TNIP1: variants seen among roughly 807,000 people sequenced by gnomAD.
The protein encoded by TNIP1 is TNFAIP3 interacting protein 1, also known as TNFAIP3-interacting protein 1.
Under a neutral mutation model 86.6 loss-of-function variants are expected in TNIP1, and 22 were observed. The ratio of observed to expected loss-of-function variants is 0.25; its 90% CI spans 0.18 to 0.36. The LOEUF is 0.36. Among genes scored for constraint, TNIP1 ranks in the 10% least tolerant of loss-of-function variants. The pLI is 1.00. For synonymous variants in TNIP1, 294 were observed against 313.0 expected, an observed-to-expected ratio of 0.94 and a Z score of 0.64; for missense variants, 709 against 820.6, an observed-to-expected ratio of 0.86 and a Z score of 1.66.
In TNIP1 at chr5:151,054,880, C is replaced by T. The variant is rs1266119297; in HGVS notation, c.627+1886G>A. Among the ~76,000 whole-genome samples the T allele has an allele frequency of 6.6e-5, 10 of 152,260 alleles. No homozygotes were observed. In the East Asian group the frequency reaches 1.7e-3, roughly 26 times the overall value. ...ATACCCAAGATGCCATGTCTCTGGGCGAGGCCTCCAGGGAACAGAATGGCC... is the reference window on the plus strand; with the variant it reads ...ATACCCAAGATGCCATGTCTCTGGGTGAGGCCTCCAGGGAACAGAATGGCC... On this transcript the variant is annotated intron_variant, in intron 6 of 17. Transcript: ENST00000521591.
intron 13 of TNIP1, among the ~76,000 whole-genome samples, chr5:151,036,176 A>G (rs1757680888): frequency 6.6e-6 from 1 of 152,170 alleles, no homozygotes; most frequent in Non-Finnish European, 1.5e-5. Flanking sequence ...TCCTTAGTGC[A>G]GATCAGCTGA....
intron 9 of TNIP1, among the ~76,000 whole-genome samples, chr5:151,044,089 G>A (rs964623909): frequency 6.6e-6 from 1 of 151,964 alleles, no homozygotes; most frequent in Non-Finnish European, 1.5e-5. Context: ...TTTGGAGGCA[G>A]GCCTAGGCTG....
intron 8 of TNIP1, 125 bp from the exon 9 acceptor site, chr5:151,046,075 C>A (rs909884555): frequency 2.6e-6 from 2 of 760,694 alleles, no homozygotes; most frequent in Non-Finnish European, 4.5e-6. Context: ...TTCCTCCCAC[C>A]CAGCAGGACA....
chr5:151,039,017 T>C (rs1758062369), intron 12 of TNIP1, 80 bp downstream of exon 12: 1 of 1,540,608 alleles, frequency 6.5e-7, no homozygotes, highest in Non-Finnish European at 8.7e-7. Context: ...AGCTGAATGG[T>C]TGGGGGTGCC....
chr5:151,072,128 G>A (rs987865216), intron 1 of TNIP1, among the ~76,000 whole-genome samples: 1 of 152,188 alleles, frequency 6.6e-6, no homozygotes, highest in African/African-American at 2.4e-5. Context: ...GTTAGTGGTA[G>A]AACAAATAAT....
At chr5:151,031,215 A>G (rs1326086006) in intron 17 of TNIP1, among the ~76,000 whole-genome samples, 1 of 151,978 alleles carries the variant, frequency 6.6e-6, no homozygotes, top group Non-Finnish European at 1.5e-5. Context: ...CCAAACTGCA[A>G]CCCCTCCAAG....
At chr5:151,070,013 C>T (rs897592281) in intron 1 of TNIP1, among the ~76,000 whole-genome samples, 10 of 152,194 alleles carry the variant, frequency 6.6e-5, no homozygotes, top group Non-Finnish European at 1.2e-4. Flanking sequence ...CTTGCGAACA[C>T]GAGGCCTGAG....
chr5:151,057,247 G>C (rs370946556), intron 5 of TNIP1, among the ~76,000 whole-genome samples: 14 of 152,284 alleles, frequency 9.2e-5, no homozygotes, highest in Admixed American at 5.9e-4. Context: ...CTGGACCTCA[G>C]CATCCTCATC....
chr5:151,036,137 G>A (rs1400496145), intron 13 of TNIP1, among the ~76,000 whole-genome samples: 1 of 152,166 alleles, frequency 6.6e-6, no homozygotes, highest in Non-Finnish European at 1.5e-5. Flanking sequence ...GGTGGGGCCT[G>A]CCTCTGTCTC....
At chr5:151,077,695 G>A (rs79556964) in intron 1 of TNIP1, among the ~76,000 whole-genome samples, 13,737 of 152,216 alleles carry the variant, frequency 0.09, 1,387 homozygotes, top group African/African-American at 0.25. Context: ...CCACTGGATC[G>A]GATGCTCTGG....
intron 8 of TNIP1, among the ~76,000 whole-genome samples, chr5:151,047,763 G>A (rs1759367171): frequency 6.6e-6 from 1 of 152,060 alleles, no homozygotes. Flanking sequence ...TAGTCCGGAG[G>A]GTGTGTGTCG....
At chr5:151,033,820 TGGC>T in intron 15 of TNIP1, 21 bp from the exon 16 acceptor site, 1 of 1,373,808 alleles carries the variant, frequency 7.3e-7, no homozygotes, top group Non-Finnish European at 9.4e-7. Context: ...GGCTGACGTC[TGGC>T]TTTGGCCTGC....
At chr5:151,065,178 G>A in intron 1 of TNIP1, 47 bp from the exon 2 acceptor site, 3 of 1,522,668 alleles carry the variant, frequency 2.0e-6, no homozygotes, top group Non-Finnish European at 1.8e-6. Context: ...AGGCCATGGG[G>A]GCATCCTTTG....
chr5:151,032,437 G>A (rs1247046224), intron 16 of TNIP1, 54 bp from the exon 17 acceptor site: 1 of 1,533,550 alleles, frequency 6.5e-7, no homozygotes, highest in South Asian at 1.1e-5. Flanking sequence ...AATTACAATA[G>A]CACCTACTGT....
intron 1 of TNIP1, among the ~76,000 whole-genome samples, chr5:151,068,578 T>A (rs1411658579): frequency 6.6e-6 from 1 of 152,184 alleles, no homozygotes. Context: ...TGTGGCAGTA[T>A]CTGGAGTTCA....
chr5:151,056,673 T>C lies in TNIP1; in HGVS notation c.627+93A>G, dbSNP rs1037531185. 1.6e-4 allele frequency: 197 copies of C among 1,262,468 alleles called. 1 individual carries two copies. Among genetic ancestry groups the C allele is most frequent in the Middle Eastern group, 2.0e-4 (1 of 4,900 alleles). The allele number at this position is 1,262,468 out of a possible 1,614,324, so 78.2% of individuals were successfully genotyped here. A position where few individuals can be genotyped will look rare whatever the true frequency, so the allele number is the denominator to read the frequency against. On this transcript the variant is annotated intron_variant, in intron 6 of 17. Transcript: ENST00000521591. ...ACAACACAGCCTTCAGAAGTCCCCA[T>C]GGTACCAGTGGATTCCCAGGAGCAG...
chr5:151,072,056 G>A (rs1762875849), intron 1 of TNIP1, among the ~76,000 whole-genome samples: 1 of 152,220 alleles, frequency 6.6e-6, no homozygotes, highest in Admixed American at 6.5e-5. Context: ...AGTCGACGCA[G>A]CTACATGGAT....
chr5:151,079,151 C>A (rs1437563134), intron 1 of TNIP1, among the ~76,000 whole-genome samples: 1 of 152,188 alleles, frequency 6.6e-6, no homozygotes, highest in Admixed American at 6.5e-5. Flanking sequence ...GGGGCATGAT[C>A]ACGTGCTTCC....
At chr5:151,075,018 T>C (rs1178882165) in intron 1 of TNIP1, among the ~76,000 whole-genome samples, 2 of 152,200 alleles carry the variant, frequency 1.3e-5, no homozygotes, top group African/African-American at 4.8e-5. Flanking sequence ...GCTCAAGAGA[T>C]CCACCTGCCT....
Sources: allele counts gnomAD v4.1 joint callset (sites outside exome capture counted in the v4.1 genomes callset), GRCh38; gene constraint gnomAD v4.1.1; transcripts MANE v1.5; gene names NCBI Gene and HGNC (gene_info 2026-07-23, HGNC 2026-07-21).